PPP4R3B: variants seen among roughly 807,000 people sequenced by gnomAD.
PPP4R3B encodes the protein protein phosphatase 4 regulatory subunit 3B, also known as serine/threonine-protein phosphatase 4 regulatory subunit 3B.
Under a neutral mutation model 95.4 loss-of-function variants are expected in PPP4R3B, and 52 were observed. The observed-to-expected ratio is 0.54, with a 90% CI of 0.44 to 0.69. The LOEUF (loss-of-function observed/expected upper bound fraction) is 0.69. PPP4R3B is among the 30% of genes least tolerant of loss of function. The probability of loss-of-function intolerance (pLI) is 0.00; values close to 1 mark genes in which losing one functional copy is unlikely to be tolerated. For missense variants in PPP4R3B, 1,003 were observed against 1,005.9 expected (o/e 1.00, Z 0.04); for synonymous variants, 407 against 343.9 (o/e 1.18, Z -2.03).
intron 4 of PPP4R3B, among the ~76,000 whole-genome samples, chr2:55,589,969 T>TCA (rs1690753354): frequency 4.9e-5 from 7 of 143,336 alleles, no homozygotes; most frequent in Admixed American, 7.2e-5. Flanking sequence ...ATATATATAT[T>TCA]TATATATATA....
intron 5 of PPP4R3B, 118 bp from the exon 6 acceptor site, chr2:55,586,852 T>C (rs890845887): frequency 3.3e-5 from 18 of 552,298 alleles, no homozygotes; most frequent in Non-Finnish European, 4.1e-5. Context: ...TTTTGGAGTA[T>C]GCTGGCTCCT....
intron 9 of PPP4R3B, among the ~76,000 whole-genome samples, chr2:55,578,649 C>A (rs1393968611): frequency 6.6e-6 from 1 of 152,018 alleles, no homozygotes; most frequent in African/African-American, 2.4e-5. Context: ...TTTCCTACCA[C>A]AAACAATGCA....
intron 2 of PPP4R3B, among the ~76,000 whole-genome samples, chr2:55,612,652 T>C (rs1459880225): frequency 1.3e-5 from 2 of 151,958 alleles, no homozygotes; most frequent in Non-Finnish European, 1.5e-5. Flanking sequence ...TTTTAAAAAA[T>C]TAGTAAGGTT....
chr2:55,597,757 T>C (rs965135990), intron 4 of PPP4R3B, among the ~76,000 whole-genome samples: 2 of 152,088 alleles, frequency 1.3e-5, no homozygotes, highest in African/African-American at 4.8e-5. Flanking sequence ...GCTGAGATCA[T>C]GCCATTGCAC....
chr2:55,558,024 T>C (rs1015275483), intron 16 of PPP4R3B, among the ~76,000 whole-genome samples: 2 of 152,070 alleles, frequency 1.3e-5, no homozygotes, highest in East Asian at 1.9e-4. Context: ...TTACTACTAA[T>C]AGAGTATACA....
chr2:55,612,873 G>T (rs980174433), intron 2 of PPP4R3B, among the ~76,000 whole-genome samples: 12 of 151,740 alleles, frequency 7.9e-5, no homozygotes, highest in African/African-American at 2.9e-4. Context: ...GTGAACCCGG[G>T]AGGCGAAGCT....
In PPP4R3B at chr2:55,598,809, C is replaced by T. The variant is rs1212473236; in HGVS notation, c.528G>A (p.Leu176=). Residue 176 remains leucine, a synonymous_variant, in exon 4 of 17, where the codon TTG becomes TTA. Transcript: ENST00000616407. The part of the protein sequence containing the change: ...LENEGYIKKL[L]QLFQACENLE... Reference sequence around the variant, plus strand: ...GGTTCTCGCAAGCTTGGAACAGCTGCAATAGTTTTTTAATATAGCCTTCAT... The same window carrying T: ...GGTTCTCGCAAGCTTGGAACAGCTGTAATAGTTTTTTAATATAGCCTTCAT... The T allele has an allele frequency of 6.2e-7, 1 of 1,614,196 alleles. No homozygotes were observed. The highest frequency in any genetic ancestry group is 8.5e-7 in the Non-Finnish European group (1 of 1,180,038).
At chr2:55,584,956 A>T in intron 7 of PPP4R3B, 95 bp downstream of exon 7, 1 of 960,824 alleles carries the variant, frequency 1.0e-6, no homozygotes, top group Non-Finnish European at 1.5e-6. Context: ...GCTCCCAAGA[A>T]AGATTAAGAT....
chr2:55,568,987 A>G (rs1314394904), intron 12 of PPP4R3B, among the ~76,000 whole-genome samples: 1 of 152,180 alleles, frequency 6.6e-6, no homozygotes, highest in Admixed American at 6.5e-5. Flanking sequence ...AATATATAAA[A>G]TAAGAATAGT....
In PPP4R3B at chr2:55,549,797, A is replaced by T; in HGVS notation, c.*114T>A. The T allele has an allele frequency of 1.2e-6, 1 of 800,530 alleles. No homozygotes were observed. The highest frequency in any genetic ancestry group is 2.1e-6 in the Non-Finnish European group (1 of 471,756). The allele number at this position is 800,530 out of a possible 1,614,324, so 49.6% of individuals were successfully genotyped here. A position where few individuals can be genotyped will look rare whatever the true frequency, so the allele number is the denominator to read the frequency against. Reference sequence around the variant, plus strand: ...CTTAGCTGATATACTGTCTTTTGCTACTCCTTGTATATTTTATAAGTTCAA... The same window carrying T: ...CTTAGCTGATATACTGTCTTTTGCTTCTCCTTGTATATTTTATAAGTTCAA... On this transcript the variant is annotated 3_prime_UTR_variant, in exon 17 of 17. Transcript: ENST00000616407.
At chr2:55,559,673 C>T (rs576343509) in intron 15 of PPP4R3B, among the ~76,000 whole-genome samples, 22 of 152,278 alleles carry the variant, frequency 1.4e-4, no homozygotes, top group Admixed American at 3.9e-4. Context: ...ATTCACCTTC[C>T]GCCACAAGTT....
At position 55,598,719 on chromosome 2, in the gene PPP4R3B, C is replaced by A; in HGVS notation, c.618G>T (p.Lys206Asn). ...AAAACATTACCTCAAAAAGAGTTGC[C>A]TTATTTAGGAATAAGATTCCTCTAA... ...EIIRGILFLNKATLFEVMFSD... is the reference protein window; with the variant it reads ...EIIRGILFLNNATLFEVMFSD... The change falls in exon 4 of 17, where the codon AAG becomes AAT. Residue 206 changes from lysine (K) to asparagine (N), a missense_variant. Physicochemically the swap from Lys to Asn is moderately conservative, Grantham distance 94 (BLOSUM62 0). This residue lies in a region of PPP4R3B where 695 missense variants were observed against 686.2 expected (regional missense o/e 1.01). Coordinates refer to ENST00000616407, the MANE Select transcript of PPP4R3B (RefSeq NM_001122964.3). 1 of 1,614,196 alleles carries A rather than the reference C, an allele frequency of 6.2e-7. No homozygotes were observed. Among genetic ancestry groups the A allele is most frequent in the African/African-American group, 1.3e-5 (1 of 75,050 alleles).
intron 11 of PPP4R3B, among the ~76,000 whole-genome samples, chr2:55,575,407 A>G (rs1688550976): frequency 6.6e-6 from 1 of 152,192 alleles, no homozygotes; most frequent in Non-Finnish European, 1.5e-5. Flanking sequence ...CACATGGACA[A>G]TCATGCACCA....
At chr2:55,615,424 T>A in intron 2 of PPP4R3B, 27 bp downstream of exon 2, 1 of 1,531,046 alleles carries the variant, frequency 6.5e-7, no homozygotes, top group Non-Finnish European at 9.0e-7. Flanking sequence ...ATGAAGTCTT[T>A]CAAATTAAAG....
chr2:55,564,872 G>T (rs761653330), intron 14 of PPP4R3B, 30 bp downstream of exon 14: 45 of 1,591,836 alleles, frequency 2.8e-5, no homozygotes, highest in Middle Eastern at 1.7e-4. Flanking sequence ...CAGTTTTGTA[G>T]GCTATAAAAG....
intron 4 of PPP4R3B, among the ~76,000 whole-genome samples, chr2:55,595,869 G>C (rs924599547): frequency 6.6e-6 from 1 of 152,034 alleles, no homozygotes; most frequent in Admixed American, 6.6e-5. Flanking sequence ...ACAATACTAA[G>C]TATATAGTAG....
chr2:55,601,895 T>C (rs1692671021), intron 3 of PPP4R3B, among the ~76,000 whole-genome samples: 1 of 152,154 alleles, frequency 6.6e-6, no homozygotes, highest in African/African-American at 2.4e-5. Context: ...GTAATGCTGA[T>C]AGAAAAACCA....
Position 55,547,525 on chromosome 2 carries a change from C to T in PPP4R3B, c.*2386G>A, listed in dbSNP as rs1021029105. On this transcript the variant is annotated 3_prime_UTR_variant, in exon 17 of 17. Coordinates refer to ENST00000616407, the MANE Select transcript of PPP4R3B (RefSeq NM_001122964.3). ...GATATTTTAAGCCTTGTTCTCTTAT[C>T]GTCGTAGGTAAGCACTTGTACCATG... 5.9e-5 allele frequency: 9 copies of T among 152,162 alleles called. No individual in the cohort carries two copies. Among genetic ancestry groups the T allele is most frequent in the Non-Finnish European group, 1.3e-4 (9 of 68,026 alleles). 9.4% of individuals were successfully genotyped at this position (152,162 alleles called of 1,614,324 possible).
In PPP4R3B at chr2:55,576,746, A is replaced by AT. The variant is rs552698142; in HGVS notation, c.1606+568dup. Among the ~76,000 whole-genome samples the AT allele has an allele frequency of 2.1e-3, 324 of 152,326 alleles. 1 individual carries two copies. The highest frequency in any genetic ancestry group is 7.6e-3 in the African/African-American group (318 of 41,586). Reference sequence around the variant, plus strand: ...AACAATGAACTACAGTGTTAAACAAATGTCTTGTCTTCATCTTTATAACGG... The same window carrying AT: ...AACAATGAACTACAGTGTTAAACAAATTGTCTTGTCTTCATCTTTATAACGG... On this transcript the variant is annotated intron_variant, in intron 11 of 16. Coordinates refer to ENST00000616407, the MANE Select transcript of PPP4R3B (RefSeq NM_001122964.3).
Sources: allele counts gnomAD v4.1 joint callset (sites outside exome capture counted in the v4.1 genomes callset), GRCh38; gene constraint gnomAD v4.1.1; regional missense constraint gnomAD v4.1.1; transcripts MANE v1.5; gene names NCBI Gene and HGNC (gene_info 2026-07-23, HGNC 2026-07-21).